Variants in BACE2 observed in about 807,000 individuals in gnomAD.
The protein encoded by BACE2 is 56 kDa aspartic-like protease.
In BACE2, 17 loss-of-function variants were observed where a neutral mutation model predicts 46.2. That is an observed-to-expected ratio of 0.37 (90% confidence interval 0.25 to 0.55). The LOEUF (loss-of-function observed/expected upper bound fraction) is 0.55. BACE2 is among the 20% of genes least tolerant of loss of function. BACE2 has a pLI of 0.82. For synonymous variants in BACE2, 277 were observed against 295.9 expected (o/e 0.94, Z 0.66); for missense variants, 595 against 698.1 (o/e 0.85, Z 1.66).
intron 1 of BACE2, chr21:41,178,089 A>C (rs1047682197): frequency 6.6e-6 from 1 of 152,244 alleles, no homozygotes; most frequent in East Asian, 1.9e-4. Flanking sequence ...TTTGCCGTAC[A>C]GGGCAGCCCC....
intron 1 of BACE2, among the ~76,000 whole-genome samples, chr21:41,206,621 T>C (rs1349952466): frequency 6.6e-6 from 1 of 152,188 alleles, no homozygotes; most frequent in East Asian, 1.9e-4. Context: ...TTAAGGGTGG[T>C]GTCCGCAGGA....
At position 41,197,925 on chromosome 21, in the gene BACE2, A is replaced by T. The variant is rs183920254; in HGVS notation, c.313-28341A>T. ...ATAAATTTCAAAATGTATGTGATGT[A>T]CAAAGGGAGGATATGCATAAGGGGT... is the stretch of plus-strand genomic sequence containing the variant. On this transcript the variant is annotated intron_variant, in intron 1 of 8. Transcript: ENST00000330333. Among the ~76,000 whole-genome samples the T allele has an allele frequency of 5.9e-5, 9 of 152,330 alleles. No homozygotes were observed. In the East Asian group the frequency reaches 9.6e-4, roughly 16 times the overall value.
At position 41,193,154 on chromosome 21, in the gene BACE2, A is replaced by C. The variant is rs112717289; in HGVS notation, c.312+24579A>C. Among the ~76,000 whole-genome samples, 730 of 152,302 alleles carry C rather than the reference A, an allele frequency of 4.8e-3. 8 individuals are homozygous for C. The highest frequency in any genetic ancestry group is 0.016 in the African/African-American group (669 of 41,564). Reference sequence around the variant, plus strand: ...AAAGCGATCAAGGTCTCTCCAAATAAGATTATGACATAAAGCCGGAGAGTT... The same window carrying C: ...AAAGCGATCAAGGTCTCTCCAAATACGATTATGACATAAAGCCGGAGAGTT... On this transcript the variant is annotated intron_variant, in intron 1 of 8. Coordinates refer to ENST00000330333, the MANE Select transcript of BACE2 (RefSeq NM_012105.5). The surrounding 1 kb of genome is among the most constrained non-coding windows in gnomAD (Gnocchi z 4.2).
At chr21:41,257,787 TG>T (rs1987831209) in intron 8 of BACE2, among the ~76,000 whole-genome samples, 1 of 152,196 alleles carries the variant, frequency 6.6e-6, no homozygotes, top group South Asian at 2.1e-4. Context: ...CTGTTTCTCG[TG>T]GGATTCCTTT....
At chr21:41,247,657 G>A (rs1011585464) in intron 6 of BACE2, among the ~76,000 whole-genome samples, 9 of 152,260 alleles carry the variant, frequency 5.9e-5, no homozygotes, top group African/African-American at 1.4e-4. Flanking sequence ...GAGAGGCGGG[G>A]CGGCGGGGCC....
rs769917159 is a variant in BACE2 at position 41,220,039 on chromosome 21, G to A, written c.313-6227G>A. On this transcript the variant is annotated intron_variant, in intron 1 of 8. Transcript: ENST00000330333. ...TCATTGCCTGTGCTTCTGATCGATC[G>A]GCTACAAATGGAAGATTTCCAGGAT... Among the ~76,000 whole-genome samples the A allele has an allele frequency of 3.9e-5, 6 of 152,088 alleles. No homozygotes were observed. In the South Asian group the frequency reaches 8.3e-4, roughly 21 times the overall value.
Position 41,257,154 on chromosome 21 carries a change from A to G in BACE2, c.1135-4A>G, listed in dbSNP as rs1302214345. On this transcript the variant is annotated splice_polypyrimidine_tract_variant and splice_region_variant and intron_variant, in intron 7 of 8. Transcript: ENST00000330333. ...TTGTTTGCTCTCTCCTCTCCGACAAACAGCTTTACATTCAGCCCATGATGG... is the reference window on the plus strand; with the variant it reads ...TTGTTTGCTCTCTCCTCTCCGACAAGCAGCTTTACATTCAGCCCATGATGG... 6.2e-7 allele frequency: 1 copy of G among 1,614,058 alleles called. No individual in the cohort carries two copies. The highest frequency in any genetic ancestry group is 8.5e-7 in the Non-Finnish European group (1 of 1,179,992).
chr21:41,244,258 A>G (rs79737261), intron 5 of BACE2, among the ~76,000 whole-genome samples: 434 of 152,252 alleles, frequency 2.9e-3, no homozygotes, highest in Middle Eastern at 6.8e-3. Context: ...ATATGCAGGT[A>G]CCTCTTGTCA....
intron 4 of BACE2, among the ~76,000 whole-genome samples, chr21:41,242,743 T>C (rs1057104891): frequency 7.9e-5 from 12 of 152,182 alleles, no homozygotes; most frequent in Non-Finnish European, 1.5e-4. Flanking sequence ...AACTGTTTTA[T>C]TGCATTTCTT....
intron 1 of BACE2, among the ~76,000 whole-genome samples, chr21:41,210,248 G>A (rs1185585352): frequency 6.6e-6 from 1 of 151,834 alleles, no homozygotes; most frequent in African/African-American, 2.4e-5. Context: ...TTTTTGCCAA[G>A]GAGACCCCCC....
rs73222239 is a variant in BACE2, at chr21:41,169,486, C to T, written c.312+911C>T. ...AAAAAAATCCCAATTGATCTGCCCC[C>T]TCCTACTTTCAAACTGTCTAATCCA... On this transcript the variant is annotated intron_variant, in intron 1 of 8. Coordinates refer to ENST00000330333, the MANE Select transcript of BACE2 (RefSeq NM_012105.5). 1.5e-3 allele frequency among the ~76,000 whole-genome samples: 230 copies of T among 151,048 alleles called. 1 individual carries two copies. The highest frequency in any genetic ancestry group is 2.6e-3 in the Non-Finnish European group (174 of 67,886).
At chr21:41,261,193 A>G (rs1029361171) in intron 8 of BACE2, among the ~76,000 whole-genome samples, 1 of 152,210 alleles carries the variant, frequency 6.6e-6, no homozygotes, top group Non-Finnish European at 1.5e-5. Context: ...GCAACTCTTC[A>G]GTGTTATTGG....
intron 1 of BACE2, among the ~76,000 whole-genome samples, chr21:41,173,573 C>T (rs889365773): frequency 2.0e-5 from 3 of 152,104 alleles, no homozygotes; most frequent in African/African-American, 7.2e-5. Context: ...TGGTGAAACC[C>T]CATCTCTACT....
At position 41,168,527 on chromosome 21, in the gene BACE2, T is replaced by A. The variant is rs376619639; in HGVS notation, c.264T>A (p.Ser88=). 2.7e-4 allele frequency: 368 copies of A among 1,346,766 alleles called. No individual in the cohort carries two copies. Among genetic ancestry groups the A allele is most frequent in the Non-Finnish European group, 3.4e-4 (352 of 1,041,662 alleles). The allele number at this position is 1,346,766 out of a possible 1,614,324, so 83.4% of individuals were successfully genotyped here. A position where few individuals can be genotyped will look rare whatever the true frequency, so the allele number is the denominator to read the frequency against. The change falls in exon 1 of 9, where the codon TCT becomes TCA. Residue 88 remains serine, a synonymous_variant. Coordinates refer to ENST00000330333, the MANE Select transcript of BACE2 (RefSeq NM_012105.5). ...TGGTAGACAACCTGCAGGGGGACTC[T>A]GGCCGCGGCTACTACCTGGAGATGC... The part of the protein sequence containing the change: ...LAMVDNLQGD[S]GRGYYLEMLI...
chr21:41,178,576 T>G (rs1984949662), intron 1 of BACE2: 1 of 154,194 alleles, frequency 6.5e-6, no homozygotes, highest in Non-Finnish European at 1.4e-5. Flanking sequence ...TCTATATAAT[T>G]TTTTTTTTAA....
At chr21:41,268,087 T>C (rs1001131089) in intron 8 of BACE2, among the ~76,000 whole-genome samples, 15 of 152,220 alleles carry the variant, frequency 9.9e-5, no homozygotes, top group Non-Finnish European at 1.6e-4. Flanking sequence ...AGTAACAGTT[T>C]AGTAACAGCG....
chr21:41,201,681 T>C (rs965223651), intron 1 of BACE2, among the ~76,000 whole-genome samples: 10 of 152,220 alleles, frequency 6.6e-5, no homozygotes, highest in Admixed American at 6.5e-5. Flanking sequence ...TGGGAACATA[T>C]GAACACCCTC....
At chr21:41,253,593 A>G (rs1420264442) in intron 7 of BACE2, among the ~76,000 whole-genome samples, 1 of 152,162 alleles carries the variant, frequency 6.6e-6, no homozygotes, top group Non-Finnish European at 1.5e-5. Flanking sequence ...AATGTCAGGC[A>G]CCAAGGACTC....
rs1406259714 is a variant in BACE2, at chr21:41,177,738, G to A, written c.312+9163G>A. ...AAATTCCAGGCTGCTAGTAAACAAAGGAGGGAAGACAGACAAAACGGAACA... is the reference window on the plus strand; with the variant it reads ...AAATTCCAGGCTGCTAGTAAACAAAAGAGGGAAGACAGACAAAACGGAACA... On this transcript the variant is annotated intron_variant, in intron 1 of 8. Coordinates refer to ENST00000330333, the MANE Select transcript of BACE2 (RefSeq NM_012105.5). 3 of 152,378 alleles carry A rather than the reference G, an allele frequency of 2.0e-5. No homozygotes were observed. The East Asian group carries it at 5.8e-4, about 29-fold the overall frequency. 9.4% of individuals were successfully genotyped at this position (152,378 alleles called of 1,614,324 possible).
Sources: allele counts gnomAD v4.1 joint callset (sites outside exome capture counted in the v4.1 genomes callset), GRCh38; gene constraint gnomAD v4.1.1; non-coding constraint Gnocchi (gnomAD v3.1); transcripts MANE v1.5; gene names NCBI Gene and HGNC (gene_info 2026-07-23, HGNC 2026-07-21).